Variants in WDR72 observed in about 807,000 individuals in gnomAD.
WDR72 encodes the protein WD repeat domain 72.
Under a neutral mutation model 124.2 loss-of-function variants are expected in WDR72, and 120 were observed. The ratio of observed to expected loss-of-function variants is 0.97; its 90% CI spans 0.83 to 1.12. The LOEUF is 1.12. Ranked by LOEUF, WDR72 falls within the 50% of genes most tolerant of loss-of-function variation. The pLI, the probability that WDR72 is intolerant of heterozygous loss-of-function variation, is 0.00. For missense variants in WDR72, 1,387 were observed against 1,278.8 expected (o/e 1.08, Z -1.29); for synonymous variants, 452 against 441.7 (o/e 1.02, Z -0.29).
At chr15:53,748,576 C>T (rs2018698887) in intron 1 of WDR72, among the ~76,000 whole-genome samples, 1 of 152,052 alleles carries the variant, frequency 6.6e-6, no homozygotes, top group South Asian at 2.1e-4. Context: ...TTTCCTCTAC[C>T]TTTCAAAACT....
At chr15:53,527,240 C>T (rs1288734764) in intron 18 of WDR72, among the ~76,000 whole-genome samples, 1 of 152,070 alleles carries the variant, frequency 6.6e-6, no homozygotes, top group Non-Finnish European at 1.5e-5. Context: ...GCAGGGCCAT[C>T]GGTGATAATA....
At chr15:53,681,281 G>T (rs971277465) in intron 13 of WDR72, among the ~76,000 whole-genome samples, 7 of 152,178 alleles carry the variant, frequency 4.6e-5, no homozygotes, top group Non-Finnish European at 1.0e-4. Context: ...AGAAGGCAGC[G>T]TGGGGAGGGC....
chr15:53,632,374 G>A (rs774421026), intron 14 of WDR72, among the ~76,000 whole-genome samples: 7 of 152,092 alleles, frequency 4.6e-5, no homozygotes, highest in Non-Finnish European at 7.4e-5. Flanking sequence ...AGGAGCCTCT[G>A]CCTAGATCTC....
At chr15:53,724,025 T>C (rs1474261931) in intron 2 of WDR72, among the ~76,000 whole-genome samples, 1 of 152,138 alleles carries the variant, frequency 6.6e-6, no homozygotes, top group Non-Finnish European at 1.5e-5. Flanking sequence ...TGGATGGACA[T>C]AGAGGATATT....
intron 18 of WDR72, among the ~76,000 whole-genome samples, chr15:53,525,107 G>C (rs529996778): frequency 5.4e-4 from 82 of 152,108 alleles, no homozygotes; most frequent in African/African-American, 1.8e-3. Context: ...TGATGCAGCT[G>C]AGTTTAATTT....
At chr15:53,569,915 G>A (rs1232160728) in intron 18 of WDR72, among the ~76,000 whole-genome samples, 1 of 152,030 alleles carries the variant, frequency 6.6e-6, no homozygotes, top group Non-Finnish European at 1.5e-5. Context: ...TGGCCTTTGT[G>A]GTCTTCAGTG....
intron 13 of WDR72, among the ~76,000 whole-genome samples, chr15:53,693,416 C>A (rs946887483): frequency 6.6e-6 from 1 of 152,050 alleles, no homozygotes; most frequent in Non-Finnish European, 1.5e-5. Flanking sequence ...TTCTACATAC[C>A]CCTCACTGTA....
intron 18 of WDR72, among the ~76,000 whole-genome samples, chr15:53,571,492 T>C (rs1023783812): frequency 6.6e-6 from 1 of 152,170 alleles, no homozygotes; most frequent in Non-Finnish European, 1.5e-5. Context: ...GTACCTGTCC[T>C]ATTTCACTCA....
At chr15:53,744,538 T>C (rs770144308) in intron 1 of WDR72, among the ~76,000 whole-genome samples, 3 of 152,202 alleles carry the variant, frequency 2.0e-5, no homozygotes, top group Non-Finnish European at 4.4e-5. Context: ...AGCAATAGGC[T>C]ACCTACTCTA....
Position 53,616,027 on chromosome 15 carries a change from G to A in WDR72, c.2179C>T (p.Leu727=). The A allele has an allele frequency of 1.2e-6, 2 of 1,613,228 alleles. No individual in the cohort carries two copies. The highest frequency in any genetic ancestry group is 1.7e-6 in the Non-Finnish European group (2 of 1,179,548). Residue 727 remains leucine (L), a synonymous_variant, in exon 15 of 20, where the codon CTG becomes TTG. Coordinates refer to ENST00000360509, the MANE Select transcript of WDR72 (RefSeq NM_182758.4). Reference sequence around the variant, plus strand: ...CCACAGGCAGTTTTACTTTTTCTCAGTGTCAGTGTCTTCTTCTCCACTGTG... The same window carrying A: ...CCACAGGCAGTTTTACTTTTTCTCAATGTCAGTGTCTTCTTCTCCACTGTG... ...KSTVEKKTLT[L]RKSKTACGPL...
intron 13 of WDR72, among the ~76,000 whole-genome samples, chr15:53,685,540 T>A (rs1170559078): frequency 7.0e-6 from 1 of 143,292 alleles, no homozygotes. Flanking sequence ...GAGCAAAGCC[T>A]CCAAGAAATA....
intron 1 of WDR72, among the ~76,000 whole-genome samples, chr15:53,736,908 G>A (rs1357505711): frequency 2.0e-5 from 3 of 151,926 alleles, no homozygotes; most frequent in Non-Finnish European, 2.9e-5. Flanking sequence ...GAAAAAAAGA[G>A]TTAGAAATAT....
In WDR72 at chr15:53,716,653, T is replaced by C; in HGVS notation, c.293A>G (p.Gln98Arg). 6.2e-7 allele frequency: 1 copy of C among 1,608,898 alleles called. No homozygotes were observed. The highest frequency in any genetic ancestry group is 8.5e-7 in the Non-Finnish European group (1 of 1,175,406). Residue 98 changes from glutamine to arginine, a missense_variant, in exon 4 of 20, where the codon CAG becomes CGG. Coordinates refer to ENST00000360509, the MANE Select transcript of WDR72 (RefSeq NM_182758.4). ...EMCVWNVTNG[Q>R]CMEKATLPYR... ...AGGAAGTGTAGCCTTCTCCATGCACTGTCCATTGGTGACATTCCAAACACA... is the reference window on the plus strand; with the variant it reads ...AGGAAGTGTAGCCTTCTCCATGCACCGTCCATTGGTGACATTCCAAACACA...
At chr15:53,694,365 T>C (rs1310249747) in intron 13 of WDR72, among the ~76,000 whole-genome samples, 1 of 152,218 alleles carries the variant, frequency 6.6e-6, no homozygotes, top group Non-Finnish European at 1.5e-5. Flanking sequence ...GCTTCTGCTA[T>C]CAGAGTGCCA....
chr15:53,518,305 T>A (rs918350087), intron 19 of WDR72, among the ~76,000 whole-genome samples: 1 of 152,098 alleles, frequency 6.6e-6, no homozygotes, highest in African/African-American at 2.4e-5. Flanking sequence ...ATTGGAACAT[T>A]GTTCCTTAAT....
At chr15:53,740,367 G>A (rs1284217307) in intron 1 of WDR72, among the ~76,000 whole-genome samples, 1 of 150,840 alleles carries the variant, frequency 6.6e-6, no homozygotes, top group Non-Finnish European at 1.5e-5. Flanking sequence ...GAGTGCAGTG[G>A]CGCGATCTCA....
intron 18 of WDR72, among the ~76,000 whole-genome samples, chr15:53,553,182 C>T (rs779273786): frequency 2.0e-5 from 3 of 152,094 alleles, no homozygotes; most frequent in African/African-American, 4.8e-5. Flanking sequence ...GGCAAGATAG[C>T]GGCTTCATCA....
At position 53,574,660 on chromosome 15, in the gene WDR72, T is replaced by A. The variant is rs1894685202; in HGVS notation, c.3148+22419A>T. 2.0e-5 allele frequency among the ~76,000 whole-genome samples: 3 copies of A among 152,168 alleles called. No homozygotes were observed. The South Asian group carries it at 6.2e-4, about 32-fold the overall frequency. On this transcript the variant is annotated intron_variant, in intron 18 of 19. Transcript: ENST00000360509. ...AGACTATTTTAGTATTTGCTTATGT[T>A]TCTTGAAATAATTTTTTTCATTATA...
intron 17 of WDR72, among the ~76,000 whole-genome samples, chr15:53,605,653 G>C (rs759432575): frequency 1.3e-5 from 2 of 152,124 alleles, no homozygotes; most frequent in Non-Finnish European, 2.9e-5. Context: ...TCAGGAGTTT[G>C]AGACCAGCCT....
Sources: gnomAD v4.1 joint callset for allele counts (sites outside exome capture counted in the v4.1 genomes callset) on GRCh38, gnomAD v4.1.1 for gene constraint, MANE v1.5 for transcripts, NCBI Gene and HGNC (gene_info 2026-07-23, HGNC 2026-07-21) for gene names.